The following YWHAQ variants were observed in gnomAD, a reference collection of about 807,000 sequenced individuals.
The protein encoded by YWHAQ is tyrosine 3-monooxygenase/tryptophan 5-monooxygenase activation protein theta, also known as 14-3-3 protein theta.
Under a neutral mutation model 28.3 loss-of-function variants are expected in YWHAQ, and 6 were observed. That is an observed-to-expected ratio of 0.21 (90% CI 0.12 to 0.42). The LOEUF (loss-of-function observed/expected upper bound fraction) is 0.42, where lower values mean the gene tolerates loss of function less well. Among genes scored for constraint, YWHAQ ranks in the 10% least tolerant of loss-of-function variants. YWHAQ has a pLI of 1.00. For missense variants in YWHAQ, 201 were observed against 305.6 expected (o/e 0.66, Z 2.55); for synonymous variants, 143 against 119.1 (o/e 1.20, Z -1.31).
chr2:9,586,985 T>C (rs1012532512), intron 5 of YWHAQ, among the ~76,000 whole-genome samples: 4 of 152,194 alleles, frequency 2.6e-5, no homozygotes, highest in African/African-American at 9.6e-5. Context: ...ATAGGTTTAC[T>C]CCCTAAATGC....
chr2:9,596,699 G>C (rs1326088633), intron 2 of YWHAQ, among the ~76,000 whole-genome samples: 2 of 111,828 alleles, frequency 1.8e-5, no homozygotes, highest in Non-Finnish European at 3.8e-5. Context: ...ATCTAAGCTA[G>C]AGATTTTTTT....
chr2:9,607,207 CT>C (rs61190266), intron 2 of YWHAQ, among the ~76,000 whole-genome samples: 49 of 129,040 alleles, frequency 3.8e-4, no homozygotes, highest in Middle Eastern at 5.2e-3. Context: ...TTTTTTTTTT[CT>C]TTTTTTTTTT....
chr2:9,630,494 C>A lies in YWHAQ; in HGVS notation c.-42G>T. 2 of 1,493,678 alleles carry A rather than the reference C, an allele frequency of 1.3e-6. No homozygotes were observed. Among genetic ancestry groups the A allele is most frequent in the Non-Finnish European group, 1.8e-6 (2 of 1,115,210 alleles). 92.5% of individuals were successfully genotyped at this position (1,493,678 alleles called of 1,614,324 possible). A position where few individuals can be genotyped will look rare whatever the true frequency, so the allele number is the denominator to read the frequency against. On this transcript the variant is annotated 5_prime_UTR_variant, in exon 2 of 6. Coordinates refer to ENST00000238081, the MANE Select transcript of YWHAQ (RefSeq NM_006826.4). This position sits in a 1 kb window ranked among gnomAD's most constrained non-coding sequence, Gnocchi z 5.6. ...GGGCCGGGGCGGAGGGCGAGGAGAG[C>A]GAGGGCGAGCGCCGACCCGCAGCGG... is the stretch of plus-strand genomic sequence containing the variant.
chr2:9,592,367 A>G (rs1177542605), intron 2 of YWHAQ, among the ~76,000 whole-genome samples: 1 of 150,772 alleles, frequency 6.6e-6, no homozygotes, highest in Admixed American at 6.6e-5. Context: ...AAAAAGTCAC[A>G]AAAGACAAAT....
chr2:9,627,623 A>G (rs886868548), intron 2 of YWHAQ, among the ~76,000 whole-genome samples: 1 of 152,198 alleles, frequency 6.6e-6, no homozygotes, highest in African/African-American at 2.4e-5. Context: ...TGAGGCCAGA[A>G]GTTCAAGACC....
Position 9,630,561 on chromosome 2 carries a change from A to G in YWHAQ, c.-82-27T>C. 8.7e-7 allele frequency: 1 copy of G among 1,152,172 alleles called. No homozygotes were observed. The highest frequency in any genetic ancestry group is 1.2e-6 in the Non-Finnish European group (1 of 844,822). The allele number at this position is 1,152,172 out of a possible 1,614,324, so 71.4% of individuals were successfully genotyped here. On this transcript the variant is annotated intron_variant, in intron 1 of 5. Coordinates refer to ENST00000238081, the MANE Select transcript of YWHAQ (RefSeq NM_006826.4). This position sits in a 1 kb window ranked among gnomAD's most constrained non-coding sequence, Gnocchi z 5.6. ...TGCGGAGGGGCGGGGCGGCGAGGCG[A>G]GAACAAAAAGCAGAGAGGGAGCGCC...
chr2:9,611,789 G>C (rs563683932), intron 2 of YWHAQ, among the ~76,000 whole-genome samples: 10 of 152,304 alleles, frequency 6.6e-5, no homozygotes, highest in Admixed American at 5.9e-4. Context: ...TCGTGCCTCA[G>C]CCACCCGAGT....
In YWHAQ at chr2:9,611,702, T is replaced by C. The variant is rs1011607278; in HGVS notation, c.294+18457A>G. Among the ~76,000 whole-genome samples the C allele has an allele frequency of 2.8e-4, 43 of 152,176 alleles. 2 individuals carry two copies. Among genetic ancestry groups the C allele is most frequent in the Non-Finnish European group, 2.9e-5 (2 of 68,040 alleles). ...CTCTTTTTTTGAGGCTAGGTCTCAC[T>C]GTGTCACCCAGAGGCTGGAATGCAG... is the stretch of plus-strand genomic sequence containing the variant. On this transcript the variant is annotated intron_variant, in intron 2 of 5. Transcript: ENST00000238081.
chr2:9,595,608 A>G (rs1279293842), intron 2 of YWHAQ, among the ~76,000 whole-genome samples: 1 of 151,262 alleles, frequency 6.6e-6, no homozygotes, highest in Non-Finnish European at 1.5e-5. Flanking sequence ...GGAGGCTGAC[A>G]CAGGAGAACT....
At chr2:9,617,716 T>C (rs776865605) in intron 2 of YWHAQ, among the ~76,000 whole-genome samples, 2 of 152,036 alleles carry the variant, frequency 1.3e-5, no homozygotes, top group African/African-American at 2.4e-5. Context: ...TGCAGGAGGA[T>C]CATCTGGCCC....
Position 9,630,485 on chromosome 2 carries a change from C to CG in YWHAQ, c.-34dup, listed in dbSNP as rs1558553782. 1 of 1,233,996 alleles carries CG rather than the reference C, an allele frequency of 8.1e-7. No homozygotes were observed. Among genetic ancestry groups the CG allele is most frequent in the Non-Finnish European group, 1.2e-6 (1 of 867,716 alleles). The allele number at this position is 1,233,996 out of a possible 1,614,324, so 76.4% of individuals were successfully genotyped here. Reference sequence around the variant, plus strand: ...GCGGGGCCGGGGCCGGGGCGGAGGGCGAGGAGAGCGAGGGCGAGCGCCGAC... The same window carrying CG: ...GCGGGGCCGGGGCCGGGGCGGAGGGCGGAGGAGAGCGAGGGCGAGCGCCGAC... On this transcript the variant is annotated 5_prime_UTR_variant, in exon 2 of 6. Transcript: ENST00000238081. The surrounding 1 kb of genome is among the most constrained non-coding windows in gnomAD (Gnocchi z 5.6).
At chr2:9,611,900 C>T (rs1666956612) in intron 2 of YWHAQ, among the ~76,000 whole-genome samples, 1 of 152,244 alleles carries the variant, frequency 6.6e-6, no homozygotes, top group South Asian at 2.1e-4. Flanking sequence ...AACTCCTGGG[C>T]TCATGTGATC....
At chr2:9,590,120 A>C (rs1195277382) in intron 3 of YWHAQ, among the ~76,000 whole-genome samples, 1 of 152,228 alleles carries the variant, frequency 6.6e-6, no homozygotes, top group Non-Finnish European at 1.5e-5. Context: ...AGCCTATCAG[A>C]ATGTACACAG....
intron 2 of YWHAQ, among the ~76,000 whole-genome samples, chr2:9,600,618 T>C (rs921498176): frequency 4.0e-5 from 6 of 151,886 alleles, no homozygotes; most frequent in Admixed American, 6.6e-5. Context: ...AGAAGGAGAA[T>C]TGATTGAACC....
At chr2:9,617,457 C>A (rs543977980) in intron 2 of YWHAQ, among the ~76,000 whole-genome samples, 19 of 152,062 alleles carry the variant, frequency 1.2e-4, no homozygotes, top group Admixed American at 1.1e-3. Flanking sequence ...TGGTTGCCAG[C>A]GGGGAATGGA....
At chr2:9,622,605 C>G (rs1161377261) in intron 2 of YWHAQ, among the ~76,000 whole-genome samples, 1 of 152,120 alleles carries the variant, frequency 6.6e-6, no homozygotes, top group African/African-American at 2.4e-5. Context: ...GGAGGAAAAA[C>G]TTATAATAGG....
chr2:9,614,231 C>T (rs1667003474), intron 2 of YWHAQ, among the ~76,000 whole-genome samples: 1 of 152,224 alleles, frequency 6.6e-6, no homozygotes, highest in African/African-American at 2.4e-5. Flanking sequence ...CATTCCAAAT[C>T]TGTCAATCTG....
chr2:9,595,225 T>C (rs1666545991), intron 2 of YWHAQ, among the ~76,000 whole-genome samples: 1 of 152,222 alleles, frequency 6.6e-6, no homozygotes, highest in South Asian at 2.1e-4. Context: ...AAAGACATAA[T>C]GGAGTCTGCT....
chr2:9,619,384 G>A (rs1667095667), intron 2 of YWHAQ, among the ~76,000 whole-genome samples: 1 of 152,042 alleles, frequency 6.6e-6, no homozygotes, highest in Admixed American at 6.6e-5. Flanking sequence ...AAAACAGCAA[G>A]AAATAAGGCA....
Sources: allele counts gnomAD v4.1 joint callset (sites outside exome capture counted in the v4.1 genomes callset), GRCh38; gene constraint gnomAD v4.1.1; non-coding constraint Gnocchi (gnomAD v3.1); transcripts MANE v1.5; gene names NCBI Gene and HGNC (gene_info 2026-07-23, HGNC 2026-07-21).